The following MND1 variants were observed in gnomAD, a reference collection of about 807,000 sequenced individuals.
The protein encoded by MND1 is meiotic nuclear division protein 1 homolog.
In MND1, 28 loss-of-function variants were observed where a neutral mutation model predicts 35.1. The observed-to-expected ratio is 0.80, with a 90% CI of 0.59 to 1.09. The LOEUF (loss-of-function observed/expected upper bound fraction) is 1.09. Ranked by LOEUF, MND1 falls within the 50% of genes least tolerant of loss-of-function variation. MND1 has a pLI of 0.00. For missense variants in MND1, 213 were observed against 239.6 expected, an observed-to-expected ratio of 0.89 and a Z score of 0.73; for synonymous variants, 69 against 70.5, an observed-to-expected ratio of 0.98 and a Z score of 0.11.
chr4:153,368,410 CTT>C (rs1213003202), intron 4 of MND1, among the ~76,000 whole-genome samples: 2 of 152,158 alleles, frequency 1.3e-5, no homozygotes, highest in African/African-American at 4.8e-5. Flanking sequence ...TAACAAAACA[CTT>C]TGTTAAAGGA....
At chr4:153,396,455 C>T (rs376305437) in intron 5 of MND1, among the ~76,000 whole-genome samples, 1 of 152,184 alleles carries the variant, frequency 6.6e-6, no homozygotes, top group Non-Finnish European at 1.5e-5. Flanking sequence ...CCTTACGAGT[C>T]GTGTTAGGCA....
intron 6 of MND1, among the ~76,000 whole-genome samples, chr4:153,404,384 G>A (rs549366681): frequency 6.7e-6 from 1 of 148,180 alleles, no homozygotes; most frequent in South Asian, 2.1e-4. Flanking sequence ...GTAGAGATGA[G>A]GTTTCACCAT....
intron 5 of MND1, 83 bp downstream of exon 5, chr4:153,394,419 T>C: frequency 3.6e-6 from 4 of 1,097,778 alleles, no homozygotes; most frequent in Non-Finnish European, 5.2e-6. Flanking sequence ...GTGAGGAGGA[T>C]GCATTTCTAC....
intron 4 of MND1, among the ~76,000 whole-genome samples, chr4:153,373,604 T>C (rs80224617): frequency 0.017 from 2,592 of 152,192 alleles, 50 homozygotes; most frequent in East Asian, 0.076. Flanking sequence ...CCAGTGTATT[T>C]TGTGACATGG....
chr4:153,353,435 AT>A (rs1378359096), intron 2 of MND1, among the ~76,000 whole-genome samples: 2 of 128,796 alleles, frequency 1.6e-5, no homozygotes, highest in Non-Finnish European at 3.3e-5. Context: ...ATATATATAT[AT>A]ATATATATAT....
chr4:153,358,262 T>C (rs1390886759), intron 3 of MND1, among the ~76,000 whole-genome samples: 1 of 152,216 alleles, frequency 6.6e-6, no homozygotes, highest in Non-Finnish European at 1.5e-5. Flanking sequence ...TAGGCTCCTG[T>C]ATAAGTCATG....
intron 4 of MND1, among the ~76,000 whole-genome samples, chr4:153,370,139 G>A (rs115226582): frequency 0.016 from 2,411 of 151,862 alleles, 70 homozygotes; most frequent in African/African-American, 0.055. Context: ...AAGATCAGCC[G>A]GACGTGGTGG....
chr4:153,397,917 T>A (rs1434768708), intron 6 of MND1, among the ~76,000 whole-genome samples: 1 of 144,010 alleles, frequency 6.9e-6, no homozygotes, highest in Non-Finnish European at 1.5e-5. Flanking sequence ...GATAGAAGGA[T>A]AAAGACATAA....
rs754323130 is a variant in MND1 at position 153,355,672 on chromosome 4, A to T, written c.88A>T (p.Lys30Ter). 1 of 1,586,368 alleles carries T rather than the reference A, an allele frequency of 6.3e-7. No individual in the cohort carries two copies. Among genetic ancestry groups the T allele is most frequent in the African/African-American group, 1.3e-5 (1 of 74,124 alleles). ...TAAACAGAAAGATGTATTTCAATTA[A>T]AAGACTTGGAGAAGATTGCTCCCAA... The part of the protein sequence containing the change: ...FSETKDVFQL[K>*]DLEKIAPKEK... The change falls in exon 3 of 8, where the codon AAA becomes TAA. Residue 30 changes from lysine to a stop codon, truncating the protein, a stop_gained. Coordinates refer to ENST00000240488, the MANE Select transcript of MND1 (RefSeq NM_032117.4). LOFTEE classifies it high-confidence loss of function.
intron 2 of MND1, among the ~76,000 whole-genome samples, chr4:153,353,507 A>G (rs185600777): frequency 5.5e-5 from 8 of 146,652 alleles, no homozygotes; most frequent in Non-Finnish European, 1.0e-4. Flanking sequence ...GGAGTTCTTT[A>G]TATACGTATA....
intron 5 of MND1, among the ~76,000 whole-genome samples, chr4:153,396,319 G>A (rs971914151): frequency 2.6e-5 from 4 of 152,114 alleles, no homozygotes; most frequent in South Asian, 2.1e-4. Context: ...GCTTCTGAGC[G>A]TGCTGCTCTG....
chr4:153,381,566 G>GGGCT (rs1479682488), intron 4 of MND1, among the ~76,000 whole-genome samples: 1 of 142,062 alleles, frequency 7.0e-6, no homozygotes, highest in African/African-American at 2.7e-5. Context: ...CAAATTGTTT[G>GGGCT]GGCTGTTTTG....
intron 2 of MND1, among the ~76,000 whole-genome samples, chr4:153,354,786 C>A (rs1039511913): frequency 6.6e-6 from 1 of 152,160 alleles, no homozygotes; most frequent in Non-Finnish European, 1.5e-5. Context: ...AGACAGGAGA[C>A]ACCATGACTG....
chr4:153,381,419 A>G (rs1426010335), intron 4 of MND1, among the ~76,000 whole-genome samples: 2 of 151,282 alleles, frequency 1.3e-5, no homozygotes, highest in South Asian at 2.1e-4. Context: ...CTTCAAAAAT[A>G]TACTCCCCCC....
chr4:153,366,678 T>G (rs1773644464), intron 4 of MND1, among the ~76,000 whole-genome samples: 1 of 152,222 alleles, frequency 6.6e-6, no homozygotes. Context: ...TTACAAGTAC[T>G]AGGACATTAC....
intron 6 of MND1, among the ~76,000 whole-genome samples, chr4:153,400,343 G>A (rs150880087): frequency 1.4e-4 from 22 of 152,296 alleles, no homozygotes; most frequent in Middle Eastern, 3.4e-3. Flanking sequence ...GAATGAGAGA[G>A]TAAGAATCCT....
At position 153,414,087 on chromosome 4, in the gene MND1, G is replaced by A. The variant is rs1729766122; in HGVS notation, c.512-664G>A. 2.0e-5 allele frequency among the ~76,000 whole-genome samples: 3 copies of A among 152,178 alleles called. No homozygotes were observed. In the South Asian group the frequency reaches 6.2e-4, roughly 32 times the overall value. On this transcript the variant is annotated intron_variant, in intron 7 of 7. Transcript: ENST00000240488. ...TAGGACAGGAAGAAGAGTCTGGAGA[G>A]AATGTGTTCCCTTTGGGAATAGGAG...
rs114153852 is a variant in MND1 at position 153,358,828 on chromosome 4, G to T, written c.276+206G>T. On this transcript the variant is annotated intron_variant, in intron 4 of 7. Transcript: ENST00000240488. Reference sequence around the variant, plus strand: ...TCATCTTCCCATATGTCAAGATATTGTTTTTGTTGTTGCTGTTTTTATTGT... The same window carrying T: ...TCATCTTCCCATATGTCAAGATATTTTTTTTGTTGTTGCTGTTTTTATTGT... Among the ~76,000 whole-genome samples, 159 of 152,216 alleles carry T rather than the reference G, an allele frequency of 1.0e-3. 1 individual carries two copies. Among genetic ancestry groups the T allele is most frequent in the African/African-American group, 3.7e-3 (153 of 41,532 alleles).
At chr4:153,369,333 A>G (rs1773734567) in intron 4 of MND1, among the ~76,000 whole-genome samples, 1 of 152,202 alleles carries the variant, frequency 6.6e-6, no homozygotes, top group Non-Finnish European at 1.5e-5. Flanking sequence ...TTTATTCCCT[A>G]GAAACAAGTC....
Sources: gnomAD v4.1 joint callset for allele counts (sites outside exome capture counted in the v4.1 genomes callset) on GRCh38, gnomAD v4.1.1 for gene constraint, MANE v1.5 for transcripts, NCBI Gene and HGNC (gene_info 2026-07-23, HGNC 2026-07-21) for gene names.